THSD4: variants seen among roughly 807,000 people sequenced by gnomAD.
THSD4 encodes the protein thrombospondin type-1 domain-containing protein 4.
Under a neutral mutation model 119.0 loss-of-function variants are expected in THSD4, and 69 were observed. The ratio of observed to expected loss-of-function variants is 0.58; its 90% CI spans 0.48 to 0.71. THSD4 has a LOEUF of 0.71. Ranked by LOEUF, THSD4 falls within the 30% of genes least tolerant of loss-of-function variation. THSD4 has a pLI of 0.00. For missense variants in THSD4, 1,393 were observed against 1,391.1 expected (o/e 1.00, Z -0.02); for synonymous variants, 524 against 540.4 (o/e 0.97, Z 0.42).
intron 7 of THSD4, among the ~76,000 whole-genome samples, chr15:71,528,481 C>T (rs1299798675): frequency 6.6e-6 from 1 of 152,210 alleles, no homozygotes; most frequent in African/African-American, 2.4e-5. Context: ...ATTACTACTG[C>T]AACCTTTAGT....
chr15:71,350,133 CA>C (rs1307891087), intron 6 of THSD4, among the ~76,000 whole-genome samples: 1 of 118,186 alleles, frequency 8.5e-6, no homozygotes, highest in African/African-American at 3.1e-5. Flanking sequence ...ATATAAACTG[CA>C]AATTACTAAA....
chr15:71,698,859 TA>T (rs1417442272), intron 8 of THSD4, among the ~76,000 whole-genome samples: 6 of 151,772 alleles, frequency 4.0e-5, no homozygotes, highest in Non-Finnish European at 5.9e-5. Context: ...ATGAGGAATC[TA>T]AAATAGCCAA....
chr15:71,277,202 T>G (rs1295361198), intron 6 of THSD4, among the ~76,000 whole-genome samples: 1 of 148,894 alleles, frequency 6.7e-6, no homozygotes, highest in Non-Finnish European at 1.5e-5. Context: ...CTGGGCTCAC[T>G]GCAACCTCTG....
intron 6 of THSD4, among the ~76,000 whole-genome samples, chr15:71,387,360 G>A (rs767246184): frequency 5.1e-4 from 77 of 152,080 alleles, no homozygotes; most frequent in Non-Finnish European, 7.9e-4. Context: ...CCCAAGAATC[G>A]GGGCTTACAC....
intron 7 of THSD4, among the ~76,000 whole-genome samples, chr15:71,508,683 C>T (rs563146480): frequency 6.6e-6 from 1 of 152,298 alleles, no homozygotes; most frequent in South Asian, 2.1e-4. Flanking sequence ...AAGTGAGATA[C>T]ATTTTCAGTG....
intron 1 of THSD4, among the ~76,000 whole-genome samples, chr15:71,120,306 A>G (rs1196286688): frequency 6.6e-6 from 1 of 152,164 alleles, no homozygotes; most frequent in Admixed American, 6.5e-5. Context: ...TTGTGTATTG[A>G]TGCGTTGTCT....
At chr15:71,647,528 G>C (rs1043557009) in intron 7 of THSD4, among the ~76,000 whole-genome samples, 5 of 152,332 alleles carry the variant, frequency 3.3e-5, no homozygotes, top group African/African-American at 7.2e-5. Context: ...GGTTAGAAGA[G>C]AGAATAATAA....
intron 8 of THSD4, among the ~76,000 whole-genome samples, chr15:71,692,447 ATTTTTT>A (rs1269466758): frequency 6.6e-6 from 1 of 152,068 alleles, no homozygotes; most frequent in African/African-American, 2.4e-5. Flanking sequence ...TCCACTGTAG[ATTTTTT>A]GTTTTTGTTT....
chr15:71,626,911 G>A (rs1403105212), intron 7 of THSD4, among the ~76,000 whole-genome samples: 1 of 152,202 alleles, frequency 6.6e-6, no homozygotes. Flanking sequence ...AACTTGTAAA[G>A]TGGGAATTAT....
rs539892362 is a variant in THSD4 at position 71,386,434 on chromosome 15, G to A, written c.1016-25253G>A. ...CCAAAGCATGTGGAGAAGGCCAAGA[G>A]GGGGTTAGGGGAGGTGCTGCAAATA... On this transcript the variant is annotated intron_variant, in intron 6 of 17. Transcript: ENST00000261862. Among the ~76,000 whole-genome samples, 141 of 152,304 alleles carry A rather than the reference G, an allele frequency of 9.3e-4. 4 individuals are homozygous for A. In the South Asian group the frequency reaches 0.028, roughly 30 times the overall value.
intron 6 of THSD4, among the ~76,000 whole-genome samples, chr15:71,392,865 G>A (rs1481252968): frequency 6.6e-6 from 1 of 152,050 alleles, no homozygotes; most frequent in African/African-American, 2.4e-5. Flanking sequence ...ACCAAATACT[G>A]TTTCAGCCTG....
chr15:71,134,306 G>C (rs1298255160), intron 1 of THSD4, among the ~76,000 whole-genome samples: 1 of 152,192 alleles, frequency 6.6e-6, no homozygotes, highest in Non-Finnish European at 1.5e-5. Flanking sequence ...TTCTGGCCTG[G>C]GGCAGGATTT....
intron 4 of THSD4, among the ~76,000 whole-genome samples, chr15:71,230,511 G>A (rs1260317524): frequency 6.6e-6 from 1 of 152,230 alleles, no homozygotes. Flanking sequence ...TGTGCTAGGC[G>A]CTTTCCCTGA....
chr15:71,218,789 G>A (rs2043954413), intron 4 of THSD4, among the ~76,000 whole-genome samples: 1 of 152,228 alleles, frequency 6.6e-6, no homozygotes, highest in Admixed American at 6.5e-5. Context: ...TTGAGGAAAA[G>A]GCTGTTGGAG....
chr15:71,379,800 TTTGTTG>T (rs747965611), intron 6 of THSD4, among the ~76,000 whole-genome samples: 151 of 152,114 alleles, frequency 9.9e-4, no homozygotes, highest in African/African-American at 3.2e-3. Flanking sequence ...TTTGCTGACC[TTTGTTG>T]TTGTTGTTGT....
chr15:71,703,998 C>T (rs913873091), intron 8 of THSD4, among the ~76,000 whole-genome samples: 1 of 152,058 alleles, frequency 6.6e-6, no homozygotes, highest in Non-Finnish European at 1.5e-5. Context: ...TACAGGCGCC[C>T]ACCACCACGC....
chr15:71,329,380 G>A (rs2045392823), intron 6 of THSD4, among the ~76,000 whole-genome samples: 1 of 152,154 alleles, frequency 6.6e-6, no homozygotes, highest in African/African-American at 2.4e-5. Flanking sequence ...CCTGAGGAAA[G>A]TTCAAGTTGG....
At chr15:71,449,332 C>G (rs1244160347) in intron 7 of THSD4, among the ~76,000 whole-genome samples, 1 of 152,140 alleles carries the variant, frequency 6.6e-6, no homozygotes, top group Admixed American at 6.5e-5. Flanking sequence ...TTTGGGGGTA[C>G]ATTGATACTG....
chr15:71,295,075 A>T (rs561019097), intron 6 of THSD4, among the ~76,000 whole-genome samples: 1 of 151,998 alleles, frequency 6.6e-6, no homozygotes, highest in African/African-American at 2.4e-5. Context: ...GCTGGAAGGG[A>T]TGCTCTGGTT....
Sources: gnomAD v4.1 joint callset for allele counts (sites outside exome capture counted in the v4.1 genomes callset) on GRCh38, gnomAD v4.1.1 for gene constraint, MANE v1.5 for transcripts, NCBI Gene and HGNC (gene_info 2026-07-23, HGNC 2026-07-21) for gene names.